AFF3: variants seen among roughly 807,000 people sequenced by gnomAD.
AFF3 encodes the protein ALF transcription elongation factor 3, also known as AF4/FMR2 family member 3.
AFF3 carries 32 observed loss-of-function variants against 129.7 expected under a neutral mutation model. The observed-to-expected ratio is 0.25, with a 90% confidence interval of 0.19 to 0.33. The LOEUF is 0.33. AFF3 is among the 10% of genes least tolerant of loss of function. AFF3 has a pLI of 1.00. For synonymous variants in AFF3, 644 were observed against 635.4 expected, an observed-to-expected ratio of 1.01 and a Z score of -0.20; for missense variants, 1,373 against 1,592.0, an observed-to-expected ratio of 0.86 and a Z score of 2.34.
At chr2:99,773,952 C>A (rs779531603) in intron 8 of AFF3, among the ~76,000 whole-genome samples, 1 of 152,038 alleles carries the variant, frequency 6.6e-6, no homozygotes, top group East Asian at 1.9e-4. Context: ...AGCTGAGAAC[C>A]AAATCATGAA....
chr2:99,609,638 G>A (rs1680721815), intron 13 of AFF3, among the ~76,000 whole-genome samples: 1 of 152,100 alleles, frequency 6.6e-6, no homozygotes, highest in Non-Finnish European at 1.5e-5. Context: ...TTGATTGATG[G>A]ATCAGTCCAC....
At chr2:99,684,269 C>T (rs1003585668) in intron 11 of AFF3, among the ~76,000 whole-genome samples, 27 of 152,320 alleles carry the variant, frequency 1.8e-4, no homozygotes, top group African/African-American at 6.0e-4. Flanking sequence ...ATTTTAACAA[C>T]CTTATCCTAC....
chr2:99,745,239 T>A (rs1036903426), intron 9 of AFF3, among the ~76,000 whole-genome samples: 1 of 152,182 alleles, frequency 6.6e-6, no homozygotes, highest in Non-Finnish European at 1.5e-5. Context: ...TGTTGTTGAG[T>A]TGAATGAGTT....
Position 99,578,408 on chromosome 2 carries a change from G to A in AFF3, c.2837C>T (p.Ser946Leu). Reference protein sequence around the residue: ...NNSENIPLHKSRPQTKPWSPG... With the variant: ...NNSENIPLHKLRPQTKPWSPG... Reference sequence around the variant, plus strand: ...AGACCACGGCTTCGTCTGCGGCCGTGACTTGTGGAGGGGAATGTTTTCAGA... The same window carrying A: ...AGACCACGGCTTCGTCTGCGGCCGTAACTTGTGGAGGGGAATGTTTTCAGA... Residue 946 changes from serine (S) to leucine (L), a missense_variant, in exon 18 of 25, where the codon TCA (serine) becomes TTA (leucine). Around this residue, in one of 9 missense-constraint regions of AFF3, gnomAD observed 466 missense variants for 505.0 expected, o/e 0.92. Transcript: ENST00000672756. 3 of 1,611,624 alleles carry A rather than the reference G, an allele frequency of 1.9e-6. No homozygotes were observed. The highest frequency in any genetic ancestry group is 1.1e-5 in the South Asian group (1 of 90,334).
chr2:99,766,139 C>T (rs1682992851), intron 8 of AFF3, among the ~76,000 whole-genome samples: 1 of 152,152 alleles, frequency 6.6e-6, no homozygotes. Flanking sequence ...AGGCAGGTGG[C>T]TGAGCAAGGT....
intron 4 of AFF3, among the ~76,000 whole-genome samples, chr2:100,079,067 C>T (rs1688830472): frequency 6.6e-6 from 1 of 151,860 alleles, no homozygotes; most frequent in South Asian, 2.1e-4. Context: ...CTGCCTCAGC[C>T]TCCCGAGTAG....
At chr2:99,662,978 C>T (rs898068752) in intron 12 of AFF3, among the ~76,000 whole-genome samples, 31 of 152,124 alleles carry the variant, frequency 2.0e-4, no homozygotes, top group African/African-American at 7.0e-4. Context: ...AGGCCAAGAG[C>T]GTCAGGATCA....
At chr2:99,706,507 C>T (rs763545836) in intron 11 of AFF3, among the ~76,000 whole-genome samples, 1 of 152,168 alleles carries the variant, frequency 6.6e-6, no homozygotes, top group Non-Finnish European at 1.5e-5. Context: ...AAGAGCCTGG[C>T]TTTGGAAGTT....
intron 18 of AFF3, among the ~76,000 whole-genome samples, chr2:99,575,610 G>A (rs556561057): frequency 3.9e-5 from 6 of 152,120 alleles, no homozygotes; most frequent in South Asian, 2.1e-4. Flanking sequence ...TTCTTAGTTC[G>A]ATGGTTGAGT....
chr2:99,840,504 C>T (rs923874336), intron 7 of AFF3, among the ~76,000 whole-genome samples: 1 of 152,202 alleles, frequency 6.6e-6, no homozygotes, highest in Admixed American at 6.5e-5. Context: ...AGACAACATG[C>T]ACTACTTGGC....
At chr2:99,861,218 G>T (rs1326876677) in intron 7 of AFF3, among the ~76,000 whole-genome samples, 2 of 152,210 alleles carry the variant, frequency 1.3e-5, no homozygotes, top group Admixed American at 1.3e-4. Flanking sequence ...AATTGATGTT[G>T]CCACTGACTC....
intron 7 of AFF3, among the ~76,000 whole-genome samples, chr2:99,950,955 C>T (rs1285676488): frequency 1.3e-5 from 2 of 152,234 alleles, no homozygotes; most frequent in African/African-American, 4.8e-5. Context: ...CACATATGTC[C>T]CTTTATCAAA....
At chr2:100,058,433 G>A (rs991765311) in intron 4 of AFF3, among the ~76,000 whole-genome samples, 24 of 151,284 alleles carry the variant, frequency 1.6e-4, no homozygotes, top group Middle Eastern at 3.2e-3. Context: ...ATACATTTTA[G>A]AAAAAAAAAT....
intron 7 of AFF3, among the ~76,000 whole-genome samples, chr2:99,982,348 C>T (rs1679485808): frequency 6.6e-6 from 1 of 152,168 alleles, no homozygotes; most frequent in African/African-American, 2.4e-5. Flanking sequence ...TCTCTCTTTG[C>T]CTGCTGCCAT....
Position 99,903,339 on chromosome 2 carries a change from G to A in AFF3, c.874-65815C>T, listed in dbSNP as rs1694485536. 1.3e-5 allele frequency among the ~76,000 whole-genome samples: 2 copies of A among 152,128 alleles called. 1 individual carries two copies. Among genetic ancestry groups the A allele is most frequent in the South Asian group, 4.1e-4 (2 of 4,826 alleles). ...TCTTCTGCTTTATCTCCAGCATTTG[G>A]AAAAGTGCTTGGCAACAGTAAACAC... On this transcript the variant is annotated intron_variant, in intron 7 of 24. Coordinates refer to ENST00000672756, the MANE Select transcript of AFF3 (RefSeq NM_001386135.1).
chr2:99,990,072 C>T (rs1018998623), intron 7 of AFF3, among the ~76,000 whole-genome samples: 7 of 152,112 alleles, frequency 4.6e-5, no homozygotes, highest in Non-Finnish European at 8.8e-5. Flanking sequence ...TATCAGCTCA[C>T]GCAGCCACTC....
At chr2:99,960,873 C>A (rs964597086) in intron 7 of AFF3, among the ~76,000 whole-genome samples, 1 of 152,208 alleles carries the variant, frequency 6.6e-6, no homozygotes, top group Non-Finnish European at 1.5e-5. Context: ...AGCCTCCACA[C>A]TTGCCAACCC....
At chr2:99,944,712 G>A (rs1460950170) in intron 7 of AFF3, among the ~76,000 whole-genome samples, 2 of 152,138 alleles carry the variant, frequency 1.3e-5, no homozygotes, top group African/African-American at 4.8e-5. Context: ...GTACAAGAAG[G>A]ATAAGACAAG....
At chr2:99,937,598 C>G (rs1674638484) in intron 7 of AFF3, among the ~76,000 whole-genome samples, 1 of 152,124 alleles carries the variant, frequency 6.6e-6, no homozygotes, top group Non-Finnish European at 1.5e-5. Flanking sequence ...GGGGTTTTAC[C>G]ATATTGACCA....
Sources: allele counts gnomAD v4.1 joint callset (sites outside exome capture counted in the v4.1 genomes callset), GRCh38; gene constraint gnomAD v4.1.1; regional missense constraint gnomAD v4.1.1; transcripts MANE v1.5; gene names NCBI Gene and HGNC (gene_info 2026-07-23, HGNC 2026-07-21).